Variants in CHL1 observed in about 807,000 individuals in gnomAD.
CHL1 encodes neural cell adhesion molecule L1-like protein.
Under a neutral mutation model 141.9 loss-of-function variants are expected in CHL1, and 96 were observed. That is an observed-to-expected ratio of 0.68 (90% confidence interval 0.57 to 0.80). The LOEUF is 0.80. CHL1 is among the 30% of genes least tolerant of loss of function. The probability of loss-of-function intolerance (pLI) is 0.00; values close to 1 mark genes in which losing one functional copy is unlikely to be tolerated. For missense variants in CHL1, 1,820 were observed against 1,457.2 expected, an observed-to-expected ratio of 1.25 and a Z score of -4.05; for synonymous variants, 613 against 502.2, an observed-to-expected ratio of 1.22 and a Z score of -2.95.
At chr3:348,328 G>GCTA (rs1427561688) in intron 9 of CHL1, among the ~76,000 whole-genome samples, 1 of 152,102 alleles carries the variant, frequency 6.6e-6, no homozygotes, top group East Asian at 1.9e-4. Flanking sequence ...ATAACCTACA[G>GCTA]CTACTAATAA....
At chr3:349,590 C>A in intron 10 of CHL1, 47 bp downstream of exon 10, 1 of 1,508,726 alleles carries the variant, frequency 6.6e-7, no homozygotes, top group Non-Finnish European at 9.1e-7. Context: ...AAAAAAGTAA[C>A]TGTATACATG....
At chr3:330,953 A>ATC (rs150871584) in intron 5 of CHL1, among the ~76,000 whole-genome samples, 61 of 150,464 alleles carry the variant, frequency 4.1e-4, no homozygotes, top group Middle Eastern at 3.4e-3. Flanking sequence ...GTTAGCATGG[A>ATC]TCTCTCTCTC....
intron 12 of CHL1, among the ~76,000 whole-genome samples, chr3:360,676 G>T (rs1208483193): frequency 3.3e-5 from 5 of 149,680 alleles, no homozygotes; most frequent in Non-Finnish European, 5.9e-5. Flanking sequence ...TGCCATGCTG[G>T]TGCGCTGCAC....
chr3:389,381 G>C lies in CHL1; in HGVS notation c.2377G>C (p.Val793Leu). The change falls in exon 20 of 28, where the codon GTC (valine) becomes CTC (leucine). Residue 793 changes from valine (V) to leucine (L), a missense_variant. Coordinates refer to ENST00000256509, the MANE Select transcript of CHL1 (RefSeq NM_006614.4). ...CACATTGCGGGTGATGACGCCTGCT[G>C]TCTATGCCCCTTATGATGTCAAGGT... ...NHTLRVMTPAVYAPYDVKVQA... is the reference protein window; with the variant it reads ...NHTLRVMTPALYAPYDVKVQA... The C allele has an allele frequency of 6.2e-7, 1 of 1,614,214 alleles. No individual in the cohort carries two copies.
intron 19 of CHL1, among the ~76,000 whole-genome samples, chr3:386,429 G>A (rs1057177073): frequency 7.2e-5 from 11 of 151,952 alleles, no homozygotes; most frequent in South Asian, 4.2e-4. Context: ...ATATTAAGTC[G>A]GTCATGACTC....
chr3:321,470 T>A (rs1700559865), intron 3 of CHL1, among the ~76,000 whole-genome samples: 2 of 152,118 alleles, frequency 1.3e-5, no homozygotes, highest in African/African-American at 4.8e-5. Flanking sequence ...AGTAGCAAGT[T>A]AAGAGCAAGC....
chr3:307,566 G>GTT (rs1699353646), intron 2 of CHL1, among the ~76,000 whole-genome samples: 1 of 152,172 alleles, frequency 6.6e-6, no homozygotes, highest in Admixed American at 6.5e-5. Flanking sequence ...TGTTTAGGCT[G>GTT]TGGGGCTCCC....
intron 3 of CHL1, among the ~76,000 whole-genome samples, chr3:324,258 T>C (rs1419842059): frequency 6.6e-6 from 1 of 152,096 alleles, no homozygotes; most frequent in Non-Finnish European, 1.5e-5. Context: ...AACTCTACTG[T>C]GGAATAGTAC....
At chr3:235,371 TA>T (rs1048922126) in intron 1 of CHL1, among the ~76,000 whole-genome samples, 9 of 150,518 alleles carry the variant, frequency 6.0e-5, no homozygotes, top group East Asian at 1.9e-4. Context: ...TGAAGGACAT[TA>T]AAAAAAAAGC....
chr3:265,316 G>A (rs76864119), intron 2 of CHL1, among the ~76,000 whole-genome samples: 1 of 152,162 alleles, frequency 6.6e-6, no homozygotes, highest in Non-Finnish European at 1.5e-5. Flanking sequence ...GATTAAATCA[G>A]AAGATAGTGG....
At chr3:400,866 G>C (rs1436023236) in intron 26 of CHL1, among the ~76,000 whole-genome samples, 1 of 149,072 alleles carries the variant, frequency 6.7e-6, no homozygotes, top group Non-Finnish European at 1.5e-5. Context: ...CAACAATTTT[G>C]AGTAAGAGTG....
chr3:292,801 C>A (rs1020578947), intron 2 of CHL1, among the ~76,000 whole-genome samples: 2 of 152,104 alleles, frequency 1.3e-5, no homozygotes, highest in African/African-American at 4.8e-5. Flanking sequence ...GGGGGAGGCG[C>A]CACACGCTTC....
At position 389,129 on chromosome 3, in the gene CHL1, T is replaced by G. The variant is rs1042719627; in HGVS notation, c.2248-123T>G. 1.4e-5 allele frequency: 11 copies of G among 779,072 alleles called. No homozygotes were observed. The African/African-American group carries it at 1.9e-4, about 14-fold the overall frequency. The allele number at this position is 779,072 out of a possible 1,614,324, so 48.3% of individuals were successfully genotyped here. A position where few individuals can be genotyped will look rare whatever the true frequency, so the allele number is the denominator to read the frequency against. On this transcript the variant is annotated intron_variant, in intron 19 of 27. Coordinates refer to ENST00000256509, the MANE Select transcript of CHL1 (RefSeq NM_006614.4). ...TGTCTCTAAACCAAGAAGGGGGATT[T>G]AAGATCTCTCAACAAATGACCATTT...
Position 389,238 on chromosome 3 carries a change from G to T in CHL1, c.2248-14G>T. 6.3e-7 allele frequency: 1 copy of T among 1,579,100 alleles called. No homozygotes were observed. Among genetic ancestry groups the T allele is most frequent in the East Asian group, 2.3e-5 (1 of 43,558 alleles). On this transcript the variant is annotated splice_polypyrimidine_tract_variant and intron_variant, in intron 19 of 27. Transcript: ENST00000256509. ...TCTGTGATCAGACTAAATGAGTCTT[G>T]CCTTCTGTTTTAGCCTTTGAAATCC...
intron 2 of CHL1, among the ~76,000 whole-genome samples, chr3:303,352 A>G (rs868650666): frequency 6.6e-6 from 1 of 152,186 alleles, no homozygotes; most frequent in South Asian, 2.1e-4. Context: ...CATTTTCACA[A>G]TATTGATTCT....
chr3:203,335 T>C lies in CHL1; in HGVS notation c.-175+6272T>C, dbSNP rs112607400. Among the ~76,000 whole-genome samples the C allele has an allele frequency of 8.7e-3, 1,331 of 152,356 alleles. 17 individuals are homozygous for C. The highest frequency in any genetic ancestry group is 0.031 in the African/African-American group (1,285 of 41,576). ...ATATTTCTGGCTTATCTTAAAAGGA[T>C]TGATGTTCTCACAGTATTGGACCTG... On this transcript the variant is annotated intron_variant, in intron 1 of 27. Coordinates refer to ENST00000256509, the MANE Select transcript of CHL1 (RefSeq NM_006614.4).
At chr3:374,880 G>A (rs1010456685) in intron 15 of CHL1, among the ~76,000 whole-genome samples, 18 of 152,228 alleles carry the variant, frequency 1.2e-4, no homozygotes, top group African/African-American at 4.3e-4. Context: ...GCAGAAGACC[G>A]GAAGCTTTAA....
chr3:365,182 A>C (rs757839356), intron 14 of CHL1, among the ~76,000 whole-genome samples: 7 of 152,220 alleles, frequency 4.6e-5, no homozygotes, highest in Non-Finnish European at 8.8e-5. Context: ...CAAAATGCCA[A>C]ATGCCACATT....
intron 1 of CHL1, among the ~76,000 whole-genome samples, chr3:228,696 A>G (rs1366590392): frequency 6.6e-6 from 1 of 152,186 alleles, no homozygotes; most frequent in Non-Finnish European, 1.5e-5. Context: ...GGCCAGTAAT[A>G]TGGGATAGCA....
Sources: allele counts gnomAD v4.1 joint callset (sites outside exome capture counted in the v4.1 genomes callset), GRCh38; gene constraint gnomAD v4.1.1; transcripts MANE v1.5; gene names NCBI Gene and HGNC (gene_info 2026-07-23, HGNC 2026-07-21).